EXOSC7: variants seen among roughly 807,000 people sequenced by gnomAD.
The protein encoded by EXOSC7 is exosome component 7.
In EXOSC7, 25 loss-of-function variants were observed where a neutral mutation model predicts 34.3. The observed-to-expected ratio is 0.73, with a 90% CI of 0.53 to 1.02. The LOEUF (loss-of-function observed/expected upper bound fraction) is 1.02. Among genes scored for constraint, EXOSC7 ranks in the 50% least tolerant of loss-of-function variants. EXOSC7 has a pLI of 0.00. For missense variants in EXOSC7, 370 were observed against 368.5 expected, an observed-to-expected ratio of 1.00 and a Z score of -0.03; for synonymous variants, 130 against 143.0, an observed-to-expected ratio of 0.91 and a Z score of 0.65.
intron 3 of EXOSC7, among the ~76,000 whole-genome samples, chr3:44,996,456 T>C (rs995761423): frequency 6.6e-6 from 1 of 152,028 alleles, no homozygotes; most frequent in Non-Finnish European, 1.5e-5. Context: ...ATGAAGGAGG[T>C]AACCTACTAC....
At position 45,011,225 on chromosome 3, in the gene EXOSC7, T is replaced by C. The variant is rs765279087; in HGVS notation, c.772-10T>C. On this transcript the variant is annotated splice_polypyrimidine_tract_variant and intron_variant, in intron 7 of 7. Coordinates refer to ENST00000265564, the MANE Select transcript of EXOSC7 (RefSeq NM_015004.4). ...GGGGGTGTGTGCTCTCTCCCGTCCCTTCTCCACAGACTGGCAAGCGTGTGG... is the reference window on the plus strand; with the variant it reads ...GGGGGTGTGTGCTCTCTCCCGTCCCCTCTCCACAGACTGGCAAGCGTGTGG... The C allele has an allele frequency of 6.3e-6, 10 of 1,593,050 alleles. No homozygotes were observed. The highest frequency in any genetic ancestry group is 8.6e-6 in the Non-Finnish European group (10 of 1,164,508).
intron 3 of EXOSC7, among the ~76,000 whole-genome samples, chr3:44,995,573 T>A (rs1706699025): frequency 6.6e-6 from 1 of 152,238 alleles, no homozygotes; most frequent in Admixed American, 6.5e-5. Flanking sequence ...TGTGTTTTGC[T>A]GGCTGTGCAA....
intron 1 of EXOSC7, among the ~76,000 whole-genome samples, chr3:44,984,610 G>A (rs911233718): frequency 3.2e-4 from 49 of 152,322 alleles, no homozygotes; most frequent in African/African-American, 1.1e-3. Context: ...GTAGCATAGC[G>A]GTTAAGAGCT....
intron 7 of EXOSC7, 81 bp from the exon 8 acceptor site, chr3:45,011,154 T>C: frequency 2.8e-6 from 2 of 717,074 alleles, no homozygotes; most frequent in Non-Finnish European, 2.2e-6. Context: ...AAAGACTAGC[T>C]GGCAGAAAGG....
chr3:44,986,267 C>G (rs1706412467), intron 1 of EXOSC7, among the ~76,000 whole-genome samples: 1 of 152,198 alleles, frequency 6.6e-6, no homozygotes, highest in African/African-American at 2.4e-5. Context: ...ATCCGGAGCC[C>G]TGCCCCGTGG....
chr3:45,006,404 GTTTTTTT>G (rs545281987), intron 6 of EXOSC7, among the ~76,000 whole-genome samples: 2 of 61,706 alleles, frequency 3.2e-5, no homozygotes, highest in East Asian at 6.9e-4. Context: ...TTGTTTATTT[GTTTTTTT>G]TTTTTTTTTT....
intron 3 of EXOSC7, among the ~76,000 whole-genome samples, chr3:44,994,094 A>G (rs1241958676): frequency 6.6e-6 from 1 of 152,190 alleles, no homozygotes; most frequent in East Asian, 1.9e-4. Flanking sequence ...AGGCACAGTC[A>G]TCATGTGGCC....
rs1559751389 is a variant in EXOSC7 at position 45,005,359 on chromosome 3, A to AT, written c.561dup (p.Asp188Ter). 5 of 1,613,934 alleles carry AT rather than the reference A, an allele frequency of 3.1e-6. No homozygotes were observed. The highest frequency in any genetic ancestry group is 4.2e-6 in the Non-Finnish European group (5 of 1,179,802). On this transcript the variant is annotated frameshift_variant, in exon 6 of 8. Coordinates refer to ENST00000265564, the MANE Select transcript of EXOSC7 (RefSeq NM_015004.4). LOFTEE classifies it high-confidence loss of function. ...GACATTGAATTGTCAGATGACCCTT[A>AT]TGACTGCATACGACTAAGTGTGGAG...
intron 7 of EXOSC7, among the ~76,000 whole-genome samples, chr3:45,008,503 G>A (rs754635957): frequency 7.9e-5 from 12 of 152,242 alleles, no homozygotes; most frequent in Non-Finnish European, 1.6e-4. Context: ...ACCATGGGCT[G>A]TGAGGGTGTA....
chr3:44,985,958 C>T (rs1226972350), intron 1 of EXOSC7, among the ~76,000 whole-genome samples: 2 of 152,034 alleles, frequency 1.3e-5, no homozygotes, highest in Admixed American at 6.6e-5. Context: ...ACCAGAGTAG[C>T]TAGATACAGA....
At chr3:44,994,856 GGTGTGTGT>G (rs34579096) in intron 3 of EXOSC7, among the ~76,000 whole-genome samples, 15,803 of 134,820 alleles carry the variant, frequency 0.12, 1,001 homozygotes, top group African/African-American at 0.18. Context: ...TGGAAGAATG[GGTGTGTGT>G]GTGTGTGTGT....
At chr3:45,006,123 G>A (rs559353034) in intron 6 of EXOSC7, among the ~76,000 whole-genome samples, 13 of 128,930 alleles carry the variant, frequency 1.0e-4, no homozygotes, top group Non-Finnish European at 1.9e-4. Context: ...CAACGCCCAG[G>A]CTGGAGTGCA....
chr3:44,986,249 G>A (rs1344337059), intron 1 of EXOSC7, among the ~76,000 whole-genome samples: 1 of 152,136 alleles, frequency 6.6e-6, no homozygotes, highest in Non-Finnish European at 1.5e-5. Flanking sequence ...CCGCATGGCA[G>A]GCTGCAGATC....
At chr3:44,982,128 C>T (rs896429240) in intron 1 of EXOSC7, among the ~76,000 whole-genome samples, 7 of 152,328 alleles carry the variant, frequency 4.6e-5, no homozygotes, top group Non-Finnish European at 7.3e-5. Flanking sequence ...CCTTTACTTT[C>T]GTGTGGCCTC....
rs970971797 is a variant in EXOSC7, at chr3:44,995,093, G to C, written c.255-1994G>C. On this transcript the variant is annotated intron_variant, in intron 3 of 7. Transcript: ENST00000265564. ...TCTGCCTCAGGTTCAAGTGATTCTT[G>C]TGCCTCAGCCTCCTAAGTAGCTGGG... is the stretch of plus-strand genomic sequence containing the variant. Among the ~76,000 whole-genome samples the C allele has an allele frequency of 2.6e-5, 4 of 152,006 alleles. No homozygotes were observed. The East Asian group carries it at 5.8e-4, about 22-fold the overall frequency.
chr3:45,006,869 T>C (rs1162463610), intron 6 of EXOSC7, among the ~76,000 whole-genome samples: 1 of 138,294 alleles, frequency 7.2e-6, no homozygotes, highest in African/African-American at 2.7e-5. Context: ...TACCACAGGC[T>C]CACACCACCA....
chr3:44,986,545 G>T (rs926701401), intron 1 of EXOSC7, among the ~76,000 whole-genome samples: 2 of 152,232 alleles, frequency 1.3e-5, no homozygotes, highest in Non-Finnish European at 2.9e-5. Flanking sequence ...AGGGGCTCCC[G>T]CAGTGCAGCG....
intron 3 of EXOSC7, among the ~76,000 whole-genome samples, chr3:44,996,478 C>A (rs1706725587): frequency 6.6e-6 from 1 of 152,176 alleles, no homozygotes. Flanking sequence ...TACAAGCCAA[C>A]AATCTTTCCC....
chr3:45,000,735 G>A (rs1349424053), intron 4 of EXOSC7, among the ~76,000 whole-genome samples: 8 of 152,180 alleles, frequency 5.3e-5, no homozygotes, highest in Non-Finnish European at 1.0e-4. Context: ...AGTAGCAGCC[G>A]CAACATCAGT....
Sources: gnomAD v4.1 joint callset for allele counts (sites outside exome capture counted in the v4.1 genomes callset) on GRCh38, gnomAD v4.1.1 for gene constraint, MANE v1.5 for transcripts, NCBI Gene and HGNC (gene_info 2026-07-23, HGNC 2026-07-21) for gene names.